Variants in CNKSR2 observed in about 807,000 individuals in gnomAD.
CNKSR2 encodes CNK homolog protein 2.
Under a neutral mutation model 84.4 loss-of-function variants are expected in CNKSR2, and 14 were observed. The ratio of observed to expected loss-of-function variants is 0.17; its 90% CI spans 0.11 to 0.26. The LOEUF (loss-of-function observed/expected upper bound fraction) is 0.26. CNKSR2 is among the 10% of genes least tolerant of loss of function. The pLI is 1.00. For missense variants in CNKSR2, 485 were observed against 771.2 expected (o/e 0.63, Z 4.40); for synonymous variants, 275 against 277.9 (o/e 0.99, Z 0.10).
intron 18 of CNKSR2, among the ~76,000 whole-genome samples, chrX:21,603,657 G>A (rs2092497513): frequency 8.9e-6 from 1 of 112,400 alleles, no homozygotes; most frequent in Non-Finnish European, 1.9e-5. Flanking sequence ...AGAAAACAGA[G>A]TTACACTTAA....
At chrX:21,448,671 C>G (rs2090886517) in intron 4 of CNKSR2, among the ~76,000 whole-genome samples, 1 of 111,509 alleles carries the variant, frequency 9.0e-6, no homozygotes, top group African/African-American at 3.3e-5. Flanking sequence ...TTCCTCCTCT[C>G]TGAATTACCA....
At chrX:21,441,384 T>G (rs1462182833) in intron 4 of CNKSR2, 2 of 111,286 alleles carry the variant, frequency 1.8e-5, no homozygotes, top group African/African-American at 3.2e-5. Flanking sequence ...TAAGGATTAA[T>G]AGGTAAAATA....
At chrX:21,500,587 C>T (rs2091549583) in intron 7 of CNKSR2, among the ~76,000 whole-genome samples, 1 of 110,629 alleles carries the variant, frequency 9.0e-6, no homozygotes, top group Non-Finnish European at 1.9e-5. Context: ...TGCATATAAT[C>T]AATAAGTAGC....
At chrX:21,594,382 C>G (rs943210097) in intron 15 of CNKSR2, 1 of 111,137 alleles carries the variant, frequency 9.0e-6, no homozygotes, top group African/African-American at 3.3e-5. Context: ...GGATTAGTGC[C>G]TGGGTGATGA....
At chrX:21,434,955 T>C (rs1050992790) in intron 3 of CNKSR2, among the ~76,000 whole-genome samples, 2 of 106,421 alleles carry the variant, frequency 1.9e-5, no homozygotes, top group Non-Finnish European at 3.9e-5. Flanking sequence ...AAGTCATTCA[T>C]CTAGTATGAA....
intron 20 of CNKSR2, among the ~76,000 whole-genome samples, chrX:21,614,402 A>G (rs1028089615): frequency 8.9e-6 from 1 of 111,963 alleles, no homozygotes; most frequent in African/African-American, 3.2e-5. Context: ...TTTAAAGAGC[A>G]TAATCATCAT....
chrX:21,462,045 T>A (rs1478551345), intron 4 of CNKSR2, among the ~76,000 whole-genome samples: 3 of 111,888 alleles, frequency 2.7e-5, no homozygotes, highest in Non-Finnish European at 5.6e-5. Context: ...CATTTTAGGA[T>A]TTTTTTTCTA....
intron 1 of CNKSR2, among the ~76,000 whole-genome samples, chrX:21,399,124 A>G (rs2090156796): frequency 9.0e-6 from 1 of 111,280 alleles, no homozygotes; most frequent in Admixed American, 9.6e-5. Flanking sequence ...CAGTAATACA[A>G]TATTAGAAAA....
rs781166902 is a variant in CNKSR2, at chrX:21,389,562, G to A, written c.64+14601G>A. 5.9e-4 allele frequency among the ~76,000 whole-genome samples: 66 copies of A among 112,017 alleles called. 1 individual carries two copies. The South Asian group carries it at 6.2e-3, about 11-fold the overall frequency. On this transcript the variant is annotated intron_variant, in intron 1 of 21. Coordinates refer to ENST00000379510, the MANE Select transcript of CNKSR2 (RefSeq NM_014927.5). ...ATGAATAGTTTTGTTTTGCCTCTCT[G>A]GAAGTATTAATAATGAAGTCTTTCA...
chrX:21,476,447 G>A (rs1236824628), intron 5 of CNKSR2, among the ~76,000 whole-genome samples: 1 of 111,370 alleles, frequency 9.0e-6, no homozygotes, highest in Admixed American at 9.6e-5. Flanking sequence ...GCTTATAATG[G>A]ATGATTTTAT....
At chrX:21,561,234 C>A (rs1181835880) in intron 11 of CNKSR2, among the ~76,000 whole-genome samples, 2 of 108,284 alleles carry the variant, frequency 1.8e-5, no homozygotes, top group Non-Finnish European at 3.8e-5. Flanking sequence ...CCTAAGAGAG[C>A]TAACCTAGGC....
At chrX:21,636,405 T>C (rs2092672620) in intron 20 of CNKSR2, among the ~76,000 whole-genome samples, 1 of 111,318 alleles carries the variant, frequency 9.0e-6, no homozygotes, top group South Asian at 3.8e-4. Flanking sequence ...TCTGTAGGTA[T>C]TTCAACTGGA....
intron 1 of CNKSR2, among the ~76,000 whole-genome samples, chrX:21,402,553 C>T (rs987931890): frequency 2.7e-5 from 3 of 110,602 alleles, no homozygotes; most frequent in African/African-American, 9.8e-5. Context: ...TATCTTAGAA[C>T]GTGAAACTAG....
intron 1 of CNKSR2, among the ~76,000 whole-genome samples, chrX:21,376,847 C>G (rs1205278803): frequency 9.0e-6 from 1 of 111,616 alleles, no homozygotes; most frequent in Non-Finnish European, 1.9e-5. Flanking sequence ...CACCTCCCAC[C>G]CTCCCAGTTA....
At chrX:21,646,926 C>T (rs935562982) in intron 20 of CNKSR2, among the ~76,000 whole-genome samples, 12 of 111,930 alleles carry the variant, frequency 1.1e-4, no homozygotes, top group African/African-American at 3.6e-4. Context: ...TTTACAACTC[C>T]ATTTAGTTAT....
chrX:21,588,207 G>A (rs1239582285), intron 13 of CNKSR2, among the ~76,000 whole-genome samples: 6 of 111,802 alleles, frequency 5.4e-5, no homozygotes, highest in Admixed American at 9.5e-5. Flanking sequence ...TGCCCCATGT[G>A]GGCAAAATAA....
In CNKSR2 at chrX:21,653,828, T is replaced by A. The variant is rs570362816; in HGVS notation, c.*1307T>A. 1 of 111,466 alleles carries A rather than the reference T, an allele frequency of 9.0e-6. No individual in the cohort carries two copies. Among genetic ancestry groups the A allele is most frequent in the Non-Finnish European group, 1.9e-5 (1 of 53,088 alleles). The allele number at this position is 111,466 out of a possible 1,213,427, so 9.2% of individuals were successfully genotyped here. ...ATAATGTACAAGTCACAATTTGCTG[T>A]TTTTTTCAGGAGGAGAAAGGGAACC... On this transcript the variant is annotated 3_prime_UTR_variant, in exon 22 of 22. Transcript: ENST00000379510.
At chrX:21,470,556 G>C (rs1485921585) in intron 4 of CNKSR2, among the ~76,000 whole-genome samples, 1 of 110,646 alleles carries the variant, frequency 9.0e-6, no homozygotes, top group African/African-American at 3.3e-5. Context: ...AGAATATACA[G>C]TTAAGCAAAA....
chrX:21,568,808 G>A (rs769828711), intron 13 of CNKSR2, among the ~76,000 whole-genome samples: 1 of 111,404 alleles, frequency 9.0e-6, no homozygotes, highest in African/African-American at 3.3e-5. Context: ...GGATTAATTA[G>A]GTAGTTATGT....
Sources: gnomAD v4.1 joint callset for allele counts (sites outside exome capture counted in the v4.1 genomes callset) on GRCh38, gnomAD v4.1.1 for gene constraint, MANE v1.5 for transcripts, NCBI Gene and HGNC (gene_info 2026-07-23, HGNC 2026-07-21) for gene names.